The following EHMT2 variants were observed in gnomAD, a reference collection of about 807,000 sequenced individuals.
EHMT2 encodes histone-lysine N-methyltransferase EHMT2.
EHMT2 carries 59 observed loss-of-function variants against 143.3 expected under a neutral mutation model. The ratio of observed to expected loss-of-function variants is 0.41; its 90% CI spans 0.33 to 0.51. The LOEUF is 0.51. Ranked by LOEUF, EHMT2 falls within the 20% of genes least tolerant of loss-of-function variation. The pLI is 0.18. For synonymous variants in EHMT2, 604 were observed against 651.5 expected (o/e 0.93, Z 1.11); for missense variants, 1,174 against 1,645.9 (o/e 0.71, Z 4.96).
rs980395808 is a variant in EHMT2, at chr6:31,879,882, C to T, written c.*202G>A. 3.9e-5 allele frequency: 24 copies of T among 613,500 alleles called. No homozygotes were observed. In the African/African-American group the frequency reaches 4.2e-4, roughly 11 times the overall value. 38.0% of individuals were successfully genotyped at this position (613,500 alleles called of 1,614,324 possible). On this transcript the variant is annotated 3_prime_UTR_variant, in exon 28 of 28. Transcript: ENST00000375537. ...GGGGGGTGGCCAGCCCTGAAGTTGC[C>T]CTCCCAGGGAGGAACCAGCTCTGGG...
At position 31,884,355 on chromosome 6, in the gene EHMT2, A is replaced by T; in HGVS notation, c.2771+37T>A. The T allele has an allele frequency of 1.9e-6, 3 of 1,583,740 alleles. No individual in the cohort carries two copies. The highest frequency in any genetic ancestry group is 1.1e-5 in the South Asian group (1 of 88,774). ...CCTGGGGAGGGTATGGGTGGGGAGG[A>T]GGTGGTCTTGGGTGCAGAGAGGGGC... is the stretch of plus-strand genomic sequence containing the variant. On this transcript the variant is annotated intron_variant, in intron 21 of 27. Coordinates refer to ENST00000375537, the Ensembl canonical transcript of EHMT2. This position sits in a 1 kb window ranked among gnomAD's most constrained non-coding sequence, Gnocchi z 7.3.
chr6:31,881,293 C>A lies in EHMT2; in HGVS notation c.3198-201G>T, dbSNP rs1764071536. 4.8e-6 allele frequency: 3 copies of A among 626,000 alleles called. No individual in the cohort carries two copies. The African/African-American group carries it at 5.5e-5, about 11-fold the overall frequency. 38.8% of individuals were successfully genotyped at this position (626,000 alleles called of 1,614,324 possible). A position where few individuals can be genotyped will look rare whatever the true frequency, so the allele number is the denominator to read the frequency against. On this transcript the variant is annotated intron_variant, in intron 25 of 27. Transcript: ENST00000375537. This position sits in a 1 kb window ranked among gnomAD's most constrained non-coding sequence, Gnocchi z 4.8. Reference sequence around the variant, plus strand: ...TGACAGAGGAAGCCTTCAGTCAGCACAGAGACAGACAACAAGCTCTGTGGT... The same window carrying A: ...TGACAGAGGAAGCCTTCAGTCAGCAAAGAGACAGACAACAAGCTCTGTGGT...
Position 31,880,772 on chromosome 6 carries a change from T to C in EHMT2, c.3353A>G (p.Asn1118Ser). The change falls in exon 27 of 28, where the codon AAC becomes AGC. Residue 1118 changes from asparagine (N) to serine (S), a missense_variant. Asn to Ser is a conservative substitution (Grantham distance 46). Coordinates refer to ENST00000375537, the Ensembl canonical transcript of EHMT2. This position sits in a 1 kb window ranked among gnomAD's most constrained non-coding sequence, Gnocchi z 6.6. ...CATGAAGACCCGGACGGGAATGATG[T>C]TGGGGTCACACAGGTGGTTGATGAA... 1 of 1,613,892 alleles carries C rather than the reference T, an allele frequency of 6.2e-7. No homozygotes were observed. The highest frequency in any genetic ancestry group is 1.1e-5 in the South Asian group (1 of 91,086).
In EHMT2 at chr6:31,883,725, C is replaced by G. The variant is rs1764425022; in HGVS notation, c.2916+81G>C. On this transcript the variant is annotated intron_variant, in intron 22 of 27. Transcript: ENST00000375537. This position sits in a 1 kb window ranked among gnomAD's most constrained non-coding sequence, Gnocchi z 5.6. The stretch of plus-strand genomic sequence containing the variant: ...CAGCCAACCCTTCCTTGGCCAGGTG[C>G]CTTTGCTGGTTTGAAGCTTGTCCAA... The G allele has an allele frequency of 1.3e-6, 2 of 1,557,730 alleles. No homozygotes were observed. Among genetic ancestry groups the G allele is most frequent in the African/African-American group, 1.4e-5 (1 of 73,394 alleles).
In EHMT2 at chr6:31,894,135, C is replaced by T. The variant is rs1012720584; in HGVS notation, c.583-1225G>A. Among the ~76,000 whole-genome samples, 8 of 151,766 alleles carry T rather than the reference C, an allele frequency of 5.3e-5. No homozygotes were observed. The East Asian group carries it at 7.7e-4, about 15-fold the overall frequency. ...AACTACAGGCACATGCCACCACGCCCGGCTAATTTTTGTTTTGTTTTTTTT... is the reference window on the plus strand; with the variant it reads ...AACTACAGGCACATGCCACCACGCCTGGCTAATTTTTGTTTTGTTTTTTTT... On this transcript the variant is annotated intron_variant, in intron 4 of 27. Coordinates refer to ENST00000375537, the Ensembl canonical transcript of EHMT2.
At position 31,888,617 on chromosome 6, in the gene EHMT2, A is replaced by C. The variant is rs770845800; in HGVS notation, c.1347T>G (p.Thr449=). The C allele has an allele frequency of 2.5e-6, 4 of 1,613,224 alleles. No homozygotes were observed. Among genetic ancestry groups the C allele is most frequent in the Non-Finnish European group, 3.4e-6 (4 of 1,179,952 alleles). Residue 449 remains threonine, a synonymous_variant, in exon 11 of 28, where the codon ACT becomes ACG. Transcript: ENST00000375537. The surrounding 1 kb of genome is among the most constrained non-coding windows in gnomAD (Gnocchi z 7.4). ...GCCCCACCTCTCCGTCCACACTCTC[A>C]GTGGCCATGCACTTGTGCCCCGCCC...
intron 7 of EHMT2, among the ~76,000 whole-genome samples, chr6:31,890,494 T>C (rs905147070): frequency 6.6e-6 from 1 of 150,810 alleles, no homozygotes; most frequent in Admixed American, 6.6e-5. Context: ...TGACCTCAGG[T>C]GATCCACCTG....
chr6:31,889,289 TGGGC>T lies in EHMT2; in HGVS notation c.1049_1052del (p.Ser350AsnfsTer3). 1 of 1,612,408 alleles carries T rather than the reference TGGGC, an allele frequency of 6.2e-7. No individual in the cohort carries two copies. The highest frequency in any genetic ancestry group is 1.1e-5 in the South Asian group (1 of 91,080). On this transcript the variant is annotated frameshift_variant, in exon 9 of 28. Coordinates refer to ENST00000375537, the Ensembl canonical transcript of EHMT2. LOFTEE classifies it high-confidence loss of function. The surrounding 1 kb of genome is among the most constrained non-coding windows in gnomAD (Gnocchi z 5.1). ...GCCGTTTCCGAGACGGCTTCACCCA[TGGGC>T]TGTCTTTTCGCCATTTCTTCTTGGC... is the stretch of plus-strand genomic sequence containing the variant.
chr6:31,888,311 G>T lies in EHMT2; in HGVS notation c.1510-35C>A, dbSNP rs755396581. On this transcript the variant is annotated intron_variant, in intron 12 of 27. Coordinates refer to ENST00000375537, the Ensembl canonical transcript of EHMT2. The surrounding 1 kb of genome is among the most constrained non-coding windows in gnomAD (Gnocchi z 7.4). ...GGGAAACGACATGGTCAGGTTACTG[G>T]GGCCCCCTCTGCCACAGGGCATGCT... is the stretch of plus-strand genomic sequence containing the variant. 1.2e-6 allele frequency: 2 copies of T among 1,611,922 alleles called. No homozygotes were observed. The highest frequency in any genetic ancestry group is 1.7e-6 in the Non-Finnish European group (2 of 1,179,360).
Position 31,884,683 on chromosome 6 carries a change from C to A in EHMT2, c.2565G>T (p.Leu855=). 6.3e-7 allele frequency: 1 copy of A among 1,584,128 alleles called. No individual in the cohort carries two copies. The highest frequency in any genetic ancestry group is 8.6e-7 in the Non-Finnish European group (1 of 1,161,940). Residue 855 remains leucine, a synonymous_variant, in exon 20 of 28, where the codon CTG becomes CTT. Transcript: ENST00000375537. This position sits in a 1 kb window ranked among gnomAD's most constrained non-coding sequence, Gnocchi z 7.3. ...GGTAGCTCTCCCGAGCTGCGATGTG[C>A]AGGGGGGTGTCCCCATGGTAGTTGA... is the stretch of plus-strand genomic sequence containing the variant.
intron 7 of EHMT2, 44 bp downstream of exon 7, chr6:31,892,363 C>G: frequency 6.2e-7 from 1 of 1,601,842 alleles, no homozygotes; most frequent in Non-Finnish European, 8.5e-7. Flanking sequence ...GAGCCCCAGC[C>G]CTGGGGGAGC....
rs780883389 is a variant in EHMT2, at chr6:31,896,997, G to C, written c.43-8C>G. On this transcript the variant is annotated splice_polypyrimidine_tract_variant and splice_region_variant and intron_variant, in intron 1 of 27. Coordinates refer to ENST00000375537, the Ensembl canonical transcript of EHMT2. ...CTCAGCGGGGGCCTCCCCCTGGGAGGGGAGACAAGGGACAGGAGGGCTGGT... is the reference window on the plus strand; with the variant it reads ...CTCAGCGGGGGCCTCCCCCTGGGAGCGGAGACAAGGGACAGGAGGGCTGGT... 6.4e-7 allele frequency: 1 copy of C among 1,560,702 alleles called. No individual in the cohort carries two copies. The highest frequency in any genetic ancestry group is 8.6e-7 in the Non-Finnish European group (1 of 1,158,328).
chr6:31,896,485 G>C, exon 4 of EHMT2: 1 of 1,613,008 alleles, frequency 6.2e-7, no homozygotes, highest in Non-Finnish European at 8.5e-7. Flanking sequence ...CCCCCTTGCT[G>C]GGGGAAGAGG....
At position 31,893,716 on chromosome 6, in the gene EHMT2, G is replaced by T. The variant is rs968032298; in HGVS notation, c.583-806C>A. 3.8e-5 allele frequency: 10 copies of T among 262,298 alleles called. No homozygotes were observed. In the South Asian group the frequency reaches 4.8e-4, roughly 13 times the overall value. 16.2% of individuals were successfully genotyped at this position (262,298 alleles called of 1,614,324 possible). Reference sequence around the variant, plus strand: ...ACATGGTACAACATAGATGAACCTTGAGGACATTATGCTAAGTGAAATAAG... The same window carrying T: ...ACATGGTACAACATAGATGAACCTTTAGGACATTATGCTAAGTGAAATAAG... On this transcript the variant is annotated intron_variant, in intron 4 of 27. Transcript: ENST00000375537.
rs761482028 is a variant in EHMT2, at chr6:31,889,609, G to A, written c.865-7C>T. 34 of 1,609,546 alleles carry A rather than the reference G, an allele frequency of 2.1e-5. No individual in the cohort carries two copies. The African/African-American group carries it at 2.7e-4, about 13-fold the overall frequency. On this transcript the variant is annotated splice_polypyrimidine_tract_variant and splice_region_variant and intron_variant, in intron 7 of 27. Coordinates refer to ENST00000375537, the Ensembl canonical transcript of EHMT2. The surrounding 1 kb of genome is among the most constrained non-coding windows in gnomAD (Gnocchi z 5.1). ...TTAGAGCTTCAACTTCAGACTGGGAGAGAGGCAGAACAGACATATCCAACC... is the reference window on the plus strand; with the variant it reads ...TTAGAGCTTCAACTTCAGACTGGGAAAGAGGCAGAACAGACATATCCAACC...
chr6:31,893,492 T>C (rs141396582), intron 4 of EHMT2: 16 of 348,826 alleles, frequency 4.6e-5, no homozygotes, highest in Middle Eastern at 8.1e-4. Context: ...TAATGTCTTC[T>C]TAATTTTTTT....
At chr6:31,897,221 AGGAGGG>A (rs1766655241) in intron 1 of EHMT2, 8 of 1,216,690 alleles carry the variant, frequency 6.6e-6, no homozygotes, top group Admixed American at 4.2e-5. Context: ...CCGAGAGAAG[AGGAGGG>A]GGAGGGGGCG....
chr6:31,881,681 T>G lies in EHMT2; in HGVS notation c.3198-589A>C. ...GATTTTGGCAGGGACAGGCAGTGAG[T>G]GGATGGTGGGGAAACTGAGGCCCAG... On this transcript the variant is annotated intron_variant, in intron 25 of 27. Coordinates refer to ENST00000375537, the Ensembl canonical transcript of EHMT2. The surrounding 1 kb of genome is among the most constrained non-coding windows in gnomAD (Gnocchi z 4.8). 6.2e-6 allele frequency: 1 copy of G among 162,058 alleles called. No individual in the cohort carries two copies. Among genetic ancestry groups the G allele is most frequent in the Non-Finnish European group, 1.4e-5 (1 of 73,262 alleles). The allele number at this position is 162,058 out of a possible 1,614,324, so 10.0% of individuals were successfully genotyped here. A position where few individuals can be genotyped will look rare whatever the true frequency, so the allele number is the denominator to read the frequency against.
chr6:31,882,955 A>C, exon 24 of EHMT2: 1 of 1,612,800 alleles, frequency 6.2e-7, no homozygotes, highest in Non-Finnish European at 8.5e-7. Context: ...GCCTGGTTAC[A>C]CTCGAAAATC....
Sources: allele counts gnomAD v4.1 joint callset (sites outside exome capture counted in the v4.1 genomes callset), GRCh38; gene constraint gnomAD v4.1.1; non-coding constraint Gnocchi (gnomAD v3.1); transcripts MANE v1.5; gene names NCBI Gene and HGNC (gene_info 2026-07-23, HGNC 2026-07-21).